The following LRIG1 variants were observed in gnomAD, a reference collection of about 807,000 sequenced individuals.
LRIG1 encodes leucine rich repeats and immunoglobulin like domains 1.
LRIG1 carries 48 observed loss-of-function variants against 99.2 expected under a neutral mutation model. That is an observed-to-expected ratio of 0.48 (90% CI 0.38 to 0.62). The LOEUF is 0.62. LRIG1 is among the 20% of genes least tolerant of loss of function. LRIG1 has a pLI of 0.00. For missense variants in LRIG1, 1,646 were observed against 1,434.4 expected (o/e 1.15, Z -2.38); for synonymous variants, 772 against 596.1 (o/e 1.29, Z -4.30).
chr3:66,496,583 T>C (rs1052227052), intron 1 of LRIG1, among the ~76,000 whole-genome samples: 1 of 152,220 alleles, frequency 6.6e-6, no homozygotes, highest in African/African-American at 2.4e-5. Flanking sequence ...GACTGTATTC[T>C]TGGCAATTAA....
At chr3:66,398,775 A>G (rs911367544) in intron 10 of LRIG1, among the ~76,000 whole-genome samples, 195 bp downstream of exon 10, 23 of 152,262 alleles carry the variant, frequency 1.5e-4, no homozygotes, top group Non-Finnish European at 3.1e-4. Context: ...TCCACTGGCC[A>G]TATGTTCTGT....
chr3:66,499,799 C>CA, intron 1 of LRIG1, among the ~76,000 whole-genome samples: 1 of 151,938 alleles, frequency 6.6e-6, no homozygotes. Flanking sequence ...CACATACCCC[C>CA]ACAGACTTCT....
At chr3:66,411,587 C>G (rs189395199) in intron 6 of LRIG1, among the ~76,000 whole-genome samples, 2 of 152,288 alleles carry the variant, frequency 1.3e-5, no homozygotes, top group East Asian at 3.9e-4. Context: ...AACATCCTCA[C>G]TGTTCACAGA....
chr3:66,428,522 T>C (rs535304957), intron 3 of LRIG1, among the ~76,000 whole-genome samples: 3 of 152,208 alleles, frequency 2.0e-5, no homozygotes, highest in East Asian at 3.9e-4. Flanking sequence ...CAAGAAATAA[T>C]GTTGATGCTA....
At chr3:66,472,022 G>A (rs776905166) in intron 1 of LRIG1, among the ~76,000 whole-genome samples, 14 of 152,076 alleles carry the variant, frequency 9.2e-5, no homozygotes, top group South Asian at 2.1e-4. Flanking sequence ...CACTAACTTC[G>A]GGCCAGGCGT....
intron 1 of LRIG1, among the ~76,000 whole-genome samples, chr3:66,497,706 A>AG (rs1440781336): frequency 6.9e-6 from 1 of 145,806 alleles, no homozygotes; most frequent in Non-Finnish European, 1.5e-5. Context: ...ACTGTTTACA[A>AG]AAAAAAAAAA....
intron 2 of LRIG1, among the ~76,000 whole-genome samples, chr3:66,459,107 T>C (rs1465342295): frequency 2.6e-5 from 4 of 152,190 alleles, no homozygotes; most frequent in Non-Finnish European, 5.9e-5. Flanking sequence ...AGCACACTGC[T>C]ACAATTACTG....
chr3:66,405,306 C>A (rs201789616), intron 8 of LRIG1, 28 bp from the exon 9 acceptor site: 1 of 1,585,004 alleles, frequency 6.3e-7, no homozygotes, highest in Non-Finnish European at 8.7e-7. Flanking sequence ...AGCAGCTCAC[C>A]GAGCAGTCGG....
At chr3:66,443,419 T>C (rs1703613107) in intron 3 of LRIG1, among the ~76,000 whole-genome samples, 1 of 151,862 alleles carries the variant, frequency 6.6e-6, no homozygotes, top group African/African-American at 2.4e-5. Flanking sequence ...CATGTCCTTT[T>C]GGTATTCCTC....
At chr3:66,402,766 T>A (rs960694398) in intron 9 of LRIG1, among the ~76,000 whole-genome samples, 2 of 152,110 alleles carry the variant, frequency 1.3e-5, no homozygotes, top group Non-Finnish European at 2.9e-5. Flanking sequence ...GCACCCCACT[T>A]CTCAGTGGAT....
chr3:66,386,685 G>T, intron 12 of LRIG1: 1 of 171,960 alleles, frequency 5.8e-6, no homozygotes. Flanking sequence ...TACTCCAAAA[G>T]GAGGGGGTGT....
chr3:66,443,399 T>C (rs1703612560), intron 3 of LRIG1, among the ~76,000 whole-genome samples: 1 of 150,802 alleles, frequency 6.6e-6, no homozygotes, highest in South Asian at 2.1e-4. Context: ...GGCCTAAAGA[T>C]GGAATTAGCC....
chr3:66,490,774 T>C (rs1189240674), intron 1 of LRIG1, among the ~76,000 whole-genome samples: 1 of 152,240 alleles, frequency 6.6e-6, no homozygotes, highest in Admixed American at 6.5e-5. Flanking sequence ...CCTGACCATG[T>C]TGGACAGCTT....
At chr3:66,398,026 C>G in intron 11 of LRIG1, 86 bp downstream of exon 11, 1 of 1,099,592 alleles carries the variant, frequency 9.1e-7, no homozygotes, top group South Asian at 1.3e-5. Context: ...GAACTTTTAA[C>G]AAGTGAGCAT....
At chr3:66,478,681 G>A (rs1700779692) in intron 1 of LRIG1, among the ~76,000 whole-genome samples, 1 of 152,132 alleles carries the variant, frequency 6.6e-6, no homozygotes, top group Admixed American at 6.5e-5. Context: ...AGGCAGTTCA[G>A]CCCGCTGACC....
chr3:66,411,606 G>A (rs1355097797), intron 6 of LRIG1, among the ~76,000 whole-genome samples: 2 of 152,134 alleles, frequency 1.3e-5, no homozygotes, highest in Non-Finnish European at 2.9e-5. Context: ...GAGTAGGGAG[G>A]GCTGGTCATG....
chr3:66,408,551 C>A (rs1702356447), intron 7 of LRIG1, among the ~76,000 whole-genome samples: 1 of 152,144 alleles, frequency 6.6e-6, no homozygotes, highest in Non-Finnish European at 1.5e-5. Context: ...GATCCCGGAC[C>A]CCGCAGAAGA....
At chr3:66,470,734 G>A (rs1392787043) in intron 1 of LRIG1, among the ~76,000 whole-genome samples, 10 of 152,078 alleles carry the variant, frequency 6.6e-5, no homozygotes, top group Non-Finnish European at 1.2e-4. Flanking sequence ...ATAATCAAGA[G>A]GCCCAATTTG....
At chr3:66,451,701 A>C (rs1379920351) in intron 2 of LRIG1, 68 bp from the exon 3 acceptor site, 7 of 1,150,988 alleles carry the variant, frequency 6.1e-6, no homozygotes, top group Non-Finnish European at 9.1e-6. Context: ...CACATACAAC[A>C]GAAATAAACA....
Sources: allele counts gnomAD v4.1 joint callset (sites outside exome capture counted in the v4.1 genomes callset), GRCh38; gene constraint gnomAD v4.1.1; transcripts MANE v1.5; gene names NCBI Gene and HGNC (gene_info 2026-07-23, HGNC 2026-07-21).